LDLRAD3: variants seen among roughly 807,000 people sequenced by gnomAD.
LDLRAD3 encodes the protein low density lipoprotein receptor class A domain containing 3, also known as low-density lipoprotein receptor class A domain-containing protein 3.
A neutral mutation model predicts 29.4 loss-of-function variants in LDLRAD3; 20 were observed. That is an observed-to-expected ratio of 0.68 (90% CI 0.48 to 0.99). The LOEUF is 0.99. Among genes scored for constraint, LDLRAD3 ranks in the 50% least tolerant of loss-of-function variants. The probability of loss-of-function intolerance (pLI) is 0.00; values close to 1 mark genes in which losing one functional copy is unlikely to be tolerated. For synonymous variants in LDLRAD3, 157 were observed against 192.7 expected (o/e 0.81, Z 1.53); for missense variants, 420 against 454.3 (o/e 0.92, Z 0.69).
At chr11:36,203,258 G>A (rs181033136) in intron 4 of LDLRAD3, among the ~76,000 whole-genome samples, 33 of 152,188 alleles carry the variant, frequency 2.2e-4, no homozygotes, top group Admixed American at 1.2e-3. Flanking sequence ...GTGAGCCCCC[G>A]CGTCCAGCCC....
intron 1 of LDLRAD3, among the ~76,000 whole-genome samples, chr11:36,003,746 C>A (rs262417): frequency 0.86 from 130,953 of 152,142 alleles, 57,223 homozygotes; most frequent in Non-Finnish European, 0.94. Context: ...ACCACCTGAG[C>A]CTGGGTAATT....
chr11:36,094,960 A>T (rs1338027554), intron 3 of LDLRAD3, among the ~76,000 whole-genome samples: 1 of 152,124 alleles, frequency 6.6e-6, no homozygotes, highest in Non-Finnish European at 1.5e-5. Context: ...CTGAGGTGGG[A>T]GGATTGCTTG....
intron 4 of LDLRAD3, among the ~76,000 whole-genome samples, chr11:36,178,844 T>C (rs918455722): frequency 1.3e-5 from 2 of 152,238 alleles, no homozygotes; most frequent in Non-Finnish European, 2.9e-5. Context: ...TATACTGCTT[T>C]TCCATCACTT....
intron 1 of LDLRAD3, among the ~76,000 whole-genome samples, chr11:36,033,169 G>A (rs929756012): frequency 2.6e-5 from 4 of 152,218 alleles, no homozygotes; most frequent in Middle Eastern, 3.4e-3. Context: ...TACCGTTACC[G>A]GCCCTCCTCA....
chr11:36,101,236 G>A (rs1455785877), intron 4 of LDLRAD3, among the ~76,000 whole-genome samples: 1 of 152,156 alleles, frequency 6.6e-6, no homozygotes, highest in Non-Finnish European at 1.5e-5. Flanking sequence ...CCCACTTGTG[G>A]AAGGCATTGC....
chr11:36,006,774 A>G (rs1231369956), intron 1 of LDLRAD3, among the ~76,000 whole-genome samples: 1 of 152,256 alleles, frequency 6.6e-6, no homozygotes, highest in Non-Finnish European at 1.5e-5. Context: ...GTGCATAAAT[A>G]GTGCTCCACT....
At chr11:35,975,967 A>G (rs916871078) in intron 1 of LDLRAD3, among the ~76,000 whole-genome samples, 2 of 152,042 alleles carry the variant, frequency 1.3e-5, no homozygotes, top group Non-Finnish European at 2.9e-5. Context: ...GAGAATGTTC[A>G]TATAGAAGAT....
intron 1 of LDLRAD3, among the ~76,000 whole-genome samples, chr11:36,034,090 ATC>A (rs1477784924): frequency 1.3e-5 from 2 of 151,750 alleles, no homozygotes; most frequent in African/African-American, 4.8e-5. Context: ...CTTACTTTTT[ATC>A]TCTGTGTGTC....
chr11:36,065,645 G>T (rs969412444), intron 2 of LDLRAD3, among the ~76,000 whole-genome samples: 23 of 152,168 alleles, frequency 1.5e-4, no homozygotes, highest in Admixed American at 8.5e-4. Flanking sequence ...ATGTTTTCTT[G>T]TGCAGGCTGT....
chr11:36,149,806 G>C (rs1854250653), intron 4 of LDLRAD3, among the ~76,000 whole-genome samples: 1 of 152,076 alleles, frequency 6.6e-6, no homozygotes, highest in South Asian at 2.1e-4. Flanking sequence ...TGCTGACTTG[G>C]GGCCCCATTG....
intron 4 of LDLRAD3, among the ~76,000 whole-genome samples, chr11:36,199,571 A>G (rs899690942): frequency 1.3e-5 from 2 of 149,786 alleles, no homozygotes; most frequent in Non-Finnish European, 3.0e-5. Context: ...GGTTCTACAC[A>G]CACACACACA....
chr11:36,055,312 G>T (rs1444177108), intron 2 of LDLRAD3, among the ~76,000 whole-genome samples: 1 of 151,136 alleles, frequency 6.6e-6, no homozygotes, highest in Non-Finnish European at 1.5e-5. Flanking sequence ...TTTGATTTGG[G>T]TCCCAAGGGG....
intron 1 of LDLRAD3, among the ~76,000 whole-genome samples, chr11:36,025,566 T>G (rs1852154187): frequency 6.6e-6 from 1 of 151,766 alleles, no homozygotes; most frequent in South Asian, 2.1e-4. Context: ...TTTTTTGTAT[T>G]TTTTAGTAGA....
chr11:36,153,593 T>TAC, intron 4 of LDLRAD3, among the ~76,000 whole-genome samples: 1 of 152,298 alleles, frequency 6.6e-6, no homozygotes, highest in African/African-American at 2.4e-5. Flanking sequence ...TAGACCCTGT[T>TAC]ACCAAGTACA....
intron 4 of LDLRAD3, among the ~76,000 whole-genome samples, chr11:36,100,291 G>T (rs942956370): frequency 1.3e-5 from 2 of 152,166 alleles, no homozygotes; most frequent in Non-Finnish European, 2.9e-5. Flanking sequence ...CGTATTGCTG[G>T]CCTTTACACA....
intron 4 of LDLRAD3, among the ~76,000 whole-genome samples, chr11:36,190,698 T>G (rs977489783): frequency 2.0e-5 from 3 of 151,950 alleles, no homozygotes; most frequent in Non-Finnish European, 4.4e-5. Flanking sequence ...CAAAGAACAG[T>G]GGTTTTCAGA....
chr11:36,066,853 A>G (rs1852802860), intron 2 of LDLRAD3, among the ~76,000 whole-genome samples: 1 of 152,196 alleles, frequency 6.6e-6, no homozygotes, highest in Non-Finnish European at 1.5e-5. Context: ...GAGTTCATAT[A>G]AAAAGTTTCT....
At chr11:36,040,897 T>C (rs1852372922) in intron 2 of LDLRAD3, among the ~76,000 whole-genome samples, 1 of 152,136 alleles carries the variant, frequency 6.6e-6, no homozygotes, top group East Asian at 1.9e-4. Flanking sequence ...CTTTTTTTAA[T>C]TAAAAAAAAT....
At chr11:36,160,222 C>T (rs552938277) in intron 4 of LDLRAD3, among the ~76,000 whole-genome samples, 3 of 152,226 alleles carry the variant, frequency 2.0e-5, no homozygotes, top group East Asian at 1.9e-4. Context: ...TTTTGTGGGA[C>T]GTATTGCAGG....
Sources: allele counts gnomAD v4.1 joint callset (sites outside exome capture counted in the v4.1 genomes callset), GRCh38; gene constraint gnomAD v4.1.1; transcripts MANE v1.5; gene names NCBI Gene and HGNC (gene_info 2026-07-23, HGNC 2026-07-21).